CPB1: variants seen among roughly 807,000 people sequenced by gnomAD.
The protein encoded by CPB1 is carboxypeptidase B1, also known as carboxypeptidase B.
CPB1 carries 53 observed loss-of-function variants against 51.4 expected under a neutral mutation model. That is an observed-to-expected ratio of 1.03 (90% confidence interval 0.83 to 1.30). The LOEUF (loss-of-function observed/expected upper bound fraction) is 1.30, where lower values mean the gene tolerates loss of function less well. CPB1 is among the 50% of genes most tolerant of loss of function. CPB1 has a pLI of 0.00. For missense variants in CPB1, 494 were observed against 516.2 expected, an observed-to-expected ratio of 0.96 and a Z score of 0.42; for synonymous variants, 189 against 186.9, an observed-to-expected ratio of 1.01 and a Z score of -0.09.
chr3:148,848,129 C>T (rs1050824362), intron 9 of CPB1, among the ~76,000 whole-genome samples: 3 of 152,142 alleles, frequency 2.0e-5, no homozygotes, highest in Non-Finnish European at 4.4e-5. Context: ...AGTTTACTTA[C>T]TTCCAGAGCA....
intron 8 of CPB1, 78 bp from the exon 9 acceptor site, chr3:148,845,346 C>A: frequency 7.6e-7 from 1 of 1,320,818 alleles, no homozygotes; most frequent in Non-Finnish European, 1.1e-6. Flanking sequence ...AAAACAACTC[C>A]CTAATTTGAA....
intron 9 of CPB1, among the ~76,000 whole-genome samples, chr3:148,853,831 ATCCTCTG>A (rs1713498211): frequency 6.6e-6 from 1 of 152,252 alleles, no homozygotes; most frequent in East Asian, 1.9e-4. Context: ...AAGTTCTTTT[ATCCTCTG>A]TGAGTGTTAG....
rs760474959 is a variant in CPB1, at chr3:148,840,956, G to A, written c.455G>A (p.Arg152His). The change falls in exon 5 of 11, where the codon CGC becomes CAC. Residue 152 changes from arginine to histidine, a missense_variant. Coordinates refer to ENST00000282957, the MANE Select transcript of CPB1 (RefSeq NM_001871.3). ...RSVIGTTFEG[R>H]AIYLLKVGKA... is the part of the protein sequence containing the mutation. ...GTTATCGGAACCACATTTGAGGGACGCGCTATTTACCTCCTGAAGGTAATC... is the reference window on the plus strand; with the variant it reads ...GTTATCGGAACCACATTTGAGGGACACGCTATTTACCTCCTGAAGGTAATC... 33 of 1,613,754 alleles carry A rather than the reference G, an allele frequency of 2.0e-5. No homozygotes were observed. Among genetic ancestry groups the A allele is most frequent in the South Asian group, 8.8e-5 (8 of 91,048 alleles).
chr3:148,846,647 T>G (rs1713247053), intron 9 of CPB1, among the ~76,000 whole-genome samples: 1 of 149,662 alleles, frequency 6.7e-6, no homozygotes, highest in African/African-American at 2.5e-5. Context: ...TCCTAGAAAA[T>G]TGATAGCTAA....
chr3:148,843,579 T>C (rs1360220477), intron 6 of CPB1, among the ~76,000 whole-genome samples: 2 of 152,158 alleles, frequency 1.3e-5, no homozygotes, highest in Middle Eastern at 6.8e-3. Context: ...AAGAACATGA[T>C]TGCATAGCTC....
intron 10 of CPB1, among the ~76,000 whole-genome samples, chr3:148,858,888 C>T (rs1226870166): frequency 6.6e-6 from 1 of 152,230 alleles, no homozygotes; most frequent in African/African-American, 2.4e-5. Flanking sequence ...GACCCAGTCT[C>T]ATCATCAAGT....
At chr3:148,834,674 C>G (rs2108011842) in intron 3 of CPB1, 52 bp downstream of exon 3, 1 of 1,548,758 alleles carries the variant, frequency 6.5e-7, no homozygotes, top group South Asian at 1.2e-5. Flanking sequence ...ATGCTTTCAT[C>G]TGAGCCTTTG....
At chr3:148,844,877 T>C in intron 8 of CPB1, 110 bp downstream of exon 8, 1 of 952,540 alleles carries the variant, frequency 1.0e-6, no homozygotes, top group Non-Finnish European at 1.6e-6. Context: ...TATTTTAAAG[T>C]TCTAACCTTC....
intron 2 of CPB1, 91 bp from the exon 3 acceptor site, chr3:148,834,407 A>C (rs1712830364): frequency 8.2e-7 from 1 of 1,215,500 alleles, no homozygotes; most frequent in Admixed American, 2.0e-5. Flanking sequence ...GATTTTGAAA[A>C]TAACTCAATT....
chr3:148,848,095 CT>C (rs1713310018), intron 9 of CPB1, among the ~76,000 whole-genome samples: 1 of 152,104 alleles, frequency 6.6e-6, no homozygotes, highest in Non-Finnish European at 1.5e-5. Context: ...ATCCTTCCAA[CT>C]TTTTCTTATA....
At chr3:148,830,935 G>A (rs538069461) in intron 2 of CPB1, among the ~76,000 whole-genome samples, 3 of 152,114 alleles carry the variant, frequency 2.0e-5, no homozygotes, top group South Asian at 2.1e-4. Flanking sequence ...TAGCAGTTAC[G>A]GGAACAGCAT....
At chr3:148,835,827 A>T (rs1712889258) in intron 3 of CPB1, among the ~76,000 whole-genome samples, 1 of 152,250 alleles carries the variant, frequency 6.6e-6, no homozygotes, top group African/African-American at 2.4e-5. Flanking sequence ...AATGTAAAAG[A>T]ATAGTATCTG....
chr3:148,843,612 T>C (rs1217719883), intron 6 of CPB1, among the ~76,000 whole-genome samples: 1 of 152,082 alleles, frequency 6.6e-6, no homozygotes, highest in Non-Finnish European at 1.5e-5. Context: ...AAGCACATGC[T>C]TTATCATGTA....
At chr3:148,837,845 C>T (rs1712951224) in intron 3 of CPB1, among the ~76,000 whole-genome samples, 1 of 151,948 alleles carries the variant, frequency 6.6e-6, no homozygotes, top group Admixed American at 6.6e-5. Context: ...GCTTCTTTGT[C>T]CTGGATATTG....
chr3:148,828,902 G>T (rs150259007), intron 2 of CPB1, among the ~76,000 whole-genome samples: 2 of 152,164 alleles, frequency 1.3e-5, no homozygotes, highest in Non-Finnish European at 2.9e-5. Context: ...CAGAAGTTCA[G>T]AATTGAAAGA....
In CPB1 at chr3:148,838,928, T is replaced by C. The variant is rs376937430; in HGVS notation, c.273-1758T>C. On this transcript the variant is annotated intron_variant, in intron 3 of 10. Transcript: ENST00000282957. ...TCAACTGGGATAGTAAATATAATTA[T>C]AGTGCTGACTAAAATCATTGTTCCT... Among the ~76,000 whole-genome samples the C allele has an allele frequency of 4.6e-5, 7 of 152,336 alleles. No homozygotes were observed. In the East Asian group the frequency reaches 1.2e-3, roughly 25 times the overall value.
intron 9 of CPB1, among the ~76,000 whole-genome samples, chr3:148,846,797 GTATATATATA>G (rs368201293): frequency 0.018 from 930 of 50,542 alleles, 88 homozygotes; most frequent in African/African-American, 0.044. Flanking sequence ...GTGTGCGTGT[GTATATATATA>G]TATATATATA....
intron 9 of CPB1, among the ~76,000 whole-genome samples, chr3:148,846,797 G>GTGTATATATA (rs1364486523): frequency 0.012 from 623 of 50,232 alleles, 33 homozygotes; most frequent in Non-Finnish European, 0.019. Context: ...GTGTGCGTGT[G>GTGTATATATA]TATATATATA....
Position 148,845,430 on chromosome 3 carries a change from G to A in CPB1, c.785G>A (p.Gly262Glu), listed in dbSNP as rs1713207135. 6.2e-7 allele frequency: 1 copy of A among 1,613,516 alleles called. No homozygotes were observed. ...RNFDAGWCEI[G>E]ASRNPCDETY... ...ACATCATATGTTTTTCCAGAAATTGGAGCCTCTCGAAACCCCTGTGATGAA... is the reference window on the plus strand; with the variant it reads ...ACATCATATGTTTTTCCAGAAATTGAAGCCTCTCGAAACCCCTGTGATGAA... Residue 262 changes from glycine (G) to glutamate (E), a missense_variant, in exon 9 of 11, where the codon GGA becomes GAA. By Grantham distance (98) the Gly-to-Glu change is moderately conservative. Coordinates refer to ENST00000282957, the MANE Select transcript of CPB1 (RefSeq NM_001871.3).
Sources: allele counts gnomAD v4.1 joint callset (sites outside exome capture counted in the v4.1 genomes callset), GRCh38; gene constraint gnomAD v4.1.1; transcripts MANE v1.5; gene names NCBI Gene and HGNC (gene_info 2026-07-23, HGNC 2026-07-21).